Variants in IFT81 observed in about 807,000 individuals in gnomAD.
IFT81 encodes intraflagellar transport protein 81 homolog.
IFT81 carries 72 observed loss-of-function variants against 102.6 expected under a neutral mutation model. That is an observed-to-expected ratio of 0.70 (90% CI 0.58 to 0.85). IFT81 has a LOEUF of 0.85. Among genes scored for constraint, IFT81 ranks in the 40% least tolerant of loss-of-function variants. The pLI is 0.00. For synonymous variants in IFT81, 237 were observed against 242.7 expected (o/e 0.98, Z 0.22); for missense variants, 723 against 787.3 (o/e 0.92, Z 0.98).
At chr12:110,178,753 C>G (rs1323200342) in intron 11 of IFT81, among the ~76,000 whole-genome samples, 2 of 3,592 alleles carry the variant, frequency 5.6e-4, no homozygotes, top group Non-Finnish European at 1.3e-3. Context: ...GTAGCTGGGA[C>G]TACAGGCACA....
At chr12:110,140,101 TA>T (rs200699791) in intron 8 of IFT81, among the ~76,000 whole-genome samples, 2 of 151,802 alleles carry the variant, frequency 1.3e-5, no homozygotes, top group Admixed American at 1.3e-4. Flanking sequence ...TAAAATGTAT[TA>T]AATTTTTTTT....
chr12:110,179,741 TATATATATATATATATATA>T (rs1701124598), intron 11 of IFT81, among the ~76,000 whole-genome samples: 1 of 32,814 alleles, frequency 3.0e-5, no homozygotes. Flanking sequence ...TATATATATA[TATATATATATATATATATA>T]TATATATATA....
chr12:110,171,960 G>A (rs1014035092), intron 11 of IFT81: 2 of 152,218 alleles, frequency 1.3e-5, no homozygotes, highest in South Asian at 2.1e-4. Flanking sequence ...CTTATACATC[G>A]TTTGATGAAA....
chr12:110,159,936 T>G (rs1896050222), intron 10 of IFT81, among the ~76,000 whole-genome samples: 2 of 152,214 alleles, frequency 1.3e-5, no homozygotes. Context: ...TTGCAAGCAC[T>G]CAGTATTCCA....
chr12:110,127,770 TACAA>T (rs1389755600), intron 2 of IFT81, among the ~76,000 whole-genome samples: 1 of 152,268 alleles, frequency 6.6e-6, no homozygotes, highest in Non-Finnish European at 1.5e-5. Context: ...AAAATTCTTT[TACAA>T]AAGGTTTTAT....
chr12:110,201,046 T>C (rs977803893), intron 14 of IFT81, among the ~76,000 whole-genome samples: 2 of 152,166 alleles, frequency 1.3e-5, no homozygotes, highest in African/African-American at 4.8e-5. Flanking sequence ...AAGCACATTG[T>C]ATAGTGGTAT....
intron 12 of IFT81, among the ~76,000 whole-genome samples, chr12:110,186,953 C>A (rs997112702): frequency 1.3e-5 from 2 of 151,854 alleles, no homozygotes; most frequent in African/African-American, 4.8e-5. Context: ...TTTTCTTTTT[C>A]TTTTTTTCAT....
intron 14 of IFT81, among the ~76,000 whole-genome samples, chr12:110,198,279 T>C (rs1898103461): frequency 6.6e-6 from 1 of 152,064 alleles, no homozygotes; most frequent in Non-Finnish European, 1.5e-5. Context: ...CTTTTTTTTT[T>C]CTTCTTTTAA....
chr12:110,198,383 C>A, intron 14 of IFT81, among the ~76,000 whole-genome samples: 1 of 150,636 alleles, frequency 6.6e-6, no homozygotes, highest in East Asian at 1.9e-4. Flanking sequence ...TAGGTAATAT[C>A]TTCCCTATAA....
chr12:110,147,141 G>C, intron 10 of IFT81, 93 bp downstream of exon 10: 1 of 938,746 alleles, frequency 1.1e-6, no homozygotes, highest in Non-Finnish European at 1.6e-6. Context: ...TGAGAAGGAA[G>C]TAGAGAATAA....
chr12:110,150,738 T>G (rs1438224631), intron 10 of IFT81, among the ~76,000 whole-genome samples: 10 of 152,178 alleles, frequency 6.6e-5, no homozygotes, highest in Admixed American at 6.5e-4. Context: ...TGGTCTTTAG[T>G]TCATTTTGTT....
At chr12:110,127,138 A>G (rs1044446395) in intron 1 of IFT81, among the ~76,000 whole-genome samples, 3 of 152,218 alleles carry the variant, frequency 2.0e-5, no homozygotes, top group African/African-American at 7.2e-5. Flanking sequence ...CCAGATGCAT[A>G]TACAAAGCAT....
chr12:110,190,919 G>C lies in IFT81; in HGVS notation c.1339-1G>C, dbSNP rs997767043. 2 of 1,517,896 alleles carry C rather than the reference G, an allele frequency of 1.3e-6. No individual in the cohort carries two copies. The highest frequency in any genetic ancestry group is 1.4e-5 in the South Asian group (1 of 73,744). 94.0% of individuals were successfully genotyped at this position (1,517,896 alleles called of 1,614,324 possible). On this transcript the variant is annotated splice_acceptor_variant, in intron 12 of 18. Coordinates refer to ENST00000242591, the MANE Select transcript of IFT81 (RefSeq NM_014055.4). LOFTEE classifies it high-confidence loss of function. ...GTGGCCTTTTTATTTTTTACTTATA[G>C]CAAACTATGGAGGAGAAAAAGGGTA... is the stretch of plus-strand genomic sequence containing the variant.
intron 5 of IFT81, 120 bp downstream of exon 5, chr12:110,132,756 A>G (rs757466545): frequency 1.7e-5 from 9 of 535,272 alleles, no homozygotes; most frequent in Non-Finnish European, 2.4e-5. Flanking sequence ...CAAATGGCAC[A>G]TTTTACTTTG....
At chr12:110,167,864 T>TTTC in intron 11 of IFT81, 2 of 286,682 alleles carry the variant, frequency 7.0e-6, no homozygotes, top group East Asian at 1.2e-4. Flanking sequence ...TTTTTTTTTT[T>TTTC]CCCCAGAGAC....
rs571373960 is a variant in IFT81 at position 110,162,849 on chromosome 12, G to T, written c.1042-70G>T. ...ATAACTTGGTAAAATCTAAAAAATA[G>T]ATAATTTCACAAGATAATAGAAAGT... is the stretch of plus-strand genomic sequence containing the variant. On this transcript the variant is annotated intron_variant, in intron 10 of 18. Transcript: ENST00000242591. The T allele has an allele frequency of 1.1e-4, 148 of 1,341,778 alleles. 1 individual carries two copies. The Middle Eastern group carries it at 1.3e-3, about 12-fold the overall frequency. 83.1% of individuals were successfully genotyped at this position (1,341,778 alleles called of 1,614,324 possible).
chr12:110,137,223 C>T (rs1391766256), intron 8 of IFT81, among the ~76,000 whole-genome samples: 1 of 152,046 alleles, frequency 6.6e-6, no homozygotes, highest in Non-Finnish European at 1.5e-5. Flanking sequence ...GCCTGTAATC[C>T]CAGCTACTCA....
intron 8 of IFT81, among the ~76,000 whole-genome samples, chr12:110,142,922 A>G (rs904550021): frequency 1.3e-5 from 2 of 152,178 alleles, no homozygotes; most frequent in Middle Eastern, 3.4e-3. Flanking sequence ...AAAAATACAT[A>G]TGTATATATA....
intron 18 of IFT81, among the ~76,000 whole-genome samples, chr12:110,215,610 T>C (rs1870005506): frequency 6.6e-6 from 1 of 151,128 alleles, no homozygotes; most frequent in East Asian, 1.9e-4. Flanking sequence ...CACAGGCATG[T>C]GCCACCATAC....
Sources: gnomAD v4.1 joint callset for allele counts (sites outside exome capture counted in the v4.1 genomes callset) on GRCh38, gnomAD v4.1.1 for gene constraint, MANE v1.5 for transcripts, NCBI Gene and HGNC (gene_info 2026-07-23, HGNC 2026-07-21) for gene names.